Variants in ATXN2 observed in about 807,000 individuals in gnomAD.
ATXN2 encodes ataxin 2.
ATXN2 carries 37 observed loss-of-function variants against 138.6 expected under a neutral mutation model. That is an observed-to-expected ratio of 0.27 (90% CI 0.21 to 0.35). The LOEUF (loss-of-function observed/expected upper bound fraction) is 0.35. ATXN2 is among the 10% of genes least tolerant of loss of function. The probability of loss-of-function intolerance (pLI) is 1.00; values close to 1 mark genes in which losing one functional copy is unlikely to be tolerated. For synonymous variants in ATXN2, 549 were observed against 543.7 expected (o/e 1.01, Z -0.13); for missense variants, 1,216 against 1,480.3 (o/e 0.82, Z 2.93).
At chr12:111,537,693 G>A (rs1212111733) in intron 5 of ATXN2, among the ~76,000 whole-genome samples, 1 of 152,134 alleles carries the variant, frequency 6.6e-6, no homozygotes, top group Non-Finnish European at 1.5e-5. Flanking sequence ...CTGGAGCTGG[G>A]GAAAATTGAA....
At chr12:111,460,240 T>A (rs1242656389) in intron 21 of ATXN2, among the ~76,000 whole-genome samples, 1 of 150,988 alleles carries the variant, frequency 6.6e-6, no homozygotes, top group Non-Finnish European at 1.5e-5. Context: ...CCTGGCTAAC[T>A]TTTTTGTATT....
chr12:111,461,483 AAAC>A (rs1294764282), intron 21 of ATXN2, among the ~76,000 whole-genome samples: 1 of 147,958 alleles, frequency 6.8e-6, no homozygotes, highest in African/African-American at 2.7e-5. Flanking sequence ...AAAATAAAAT[AAAC>A]AAATAAATAA....
intron 1 of ATXN2, among the ~76,000 whole-genome samples, chr12:111,576,219 G>A (rs1015536661): frequency 2.0e-5 from 3 of 151,980 alleles, no homozygotes; most frequent in Admixed American, 6.6e-5. Flanking sequence ...CGAGGTAGGC[G>A]GATCACTTGA....
At chr12:111,542,626 C>T (rs1256043271) in intron 5 of ATXN2, among the ~76,000 whole-genome samples, 2 of 152,118 alleles carry the variant, frequency 1.3e-5, no homozygotes, top group African/African-American at 4.8e-5. Flanking sequence ...ACCACCACAC[C>T]CGGCTAATTT....
chr12:111,581,504 TC>T, intron 1 of ATXN2: 1 of 1,026,500 alleles, frequency 9.7e-7, no homozygotes, highest in Non-Finnish European at 1.5e-6. Context: ...TCCCCCAATG[TC>T]CACCGTGATC....
In ATXN2 at chr12:111,485,256, T is replaced by TA. The variant is rs772132139; in HGVS notation, c.2524+8dup. The TA allele has an allele frequency of 6.2e-7, 1 of 1,607,518 alleles. No homozygotes were observed. On this transcript the variant is annotated intron_variant, in intron 18 of 24. Coordinates refer to ENST00000673436, the MANE Select transcript of ATXN2 (RefSeq NM_001372574.1). Reference sequence around the variant, plus strand: ...AACTACAAGCAAACACAGGCAGGATTATTCTCACCTTTACCTGCTCTATAT... The same window carrying TA: ...AACTACAAGCAAACACAGGCAGGATTAATTCTCACCTTTACCTGCTCTATAT...
intron 5 of ATXN2, among the ~76,000 whole-genome samples, chr12:111,542,834 T>C (rs1373880010): frequency 6.6e-6 from 1 of 152,218 alleles, no homozygotes; most frequent in Admixed American, 6.5e-5. Flanking sequence ...ACACAGTATT[T>C]TTTTATCGTT....
chr12:111,457,545 C>G (rs1875204896), intron 21 of ATXN2, 186 bp from the exon 22 acceptor site: 1 of 597,284 alleles, frequency 1.7e-6, no homozygotes, highest in South Asian at 2.8e-5. Flanking sequence ...TATTGCTTAA[C>G]AGACTAGCAT....
intron 22 of ATXN2, 37 bp from the exon 23 acceptor site, chr12:111,456,293 C>A (rs753916339): frequency 6.6e-5 from 107 of 1,609,576 alleles, no homozygotes; most frequent in South Asian, 1.1e-5. Flanking sequence ...AGGAAAACTT[C>A]TTTAATGAAA....
At chr12:111,562,660 C>T (rs545592666) in intron 1 of ATXN2, among the ~76,000 whole-genome samples, 75 of 137,158 alleles carry the variant, frequency 5.5e-4, no homozygotes, top group African/African-American at 1.9e-3. Context: ...GCAGAGGTTG[C>T]AGTGAGCCAA....
chr12:111,524,536 T>A (rs1256604292), intron 6 of ATXN2, among the ~76,000 whole-genome samples: 1 of 152,186 alleles, frequency 6.6e-6, no homozygotes, highest in Non-Finnish European at 1.5e-5. Flanking sequence ...GCTCAAGTGA[T>A]CCTCCTGCTT....
chr12:111,463,145 A>T (rs1875720818), intron 21 of ATXN2, among the ~76,000 whole-genome samples: 1 of 152,196 alleles, frequency 6.6e-6, no homozygotes, highest in Admixed American at 6.5e-5. Context: ...ATAACTCAAA[A>T]TGTGCCTAAC....
intron 1 of ATXN2, among the ~76,000 whole-genome samples, chr12:111,575,379 G>T (rs907907200): frequency 6.6e-6 from 1 of 152,034 alleles, no homozygotes; most frequent in South Asian, 2.1e-4. Context: ...TAGAGATGGG[G>T]TCTTGTTATG....
chr12:111,467,806 G>C (rs1593102795), intron 20 of ATXN2, among the ~76,000 whole-genome samples: 2 of 152,306 alleles, frequency 1.3e-5, no homozygotes, highest in South Asian at 4.1e-4. Flanking sequence ...AAAATCATCT[G>C]TACCTCAAAC....
intron 21 of ATXN2, among the ~76,000 whole-genome samples, chr12:111,458,875 T>C (rs1875340383): frequency 6.6e-6 from 1 of 152,208 alleles, no homozygotes; most frequent in Non-Finnish European, 1.5e-5. Context: ...GGAGCAGTTC[T>C]ATAATCCTAG....
chr12:111,520,209 C>A lies in ATXN2; in HGVS notation c.789-133G>T, dbSNP rs750492260. The A allele has an allele frequency of 6.7e-6, 8 of 1,196,336 alleles. No individual in the cohort carries two copies. In the East Asian group the frequency reaches 2.0e-4, roughly 31 times the overall value. The allele number at this position is 1,196,336 out of a possible 1,614,324, so 74.1% of individuals were successfully genotyped here. A position where few individuals can be genotyped will look rare whatever the true frequency, so the allele number is the denominator to read the frequency against. ...ACAGAAACTAAAACTAAAACTAAAACTAAAAGTTATAGTGATCTGTGTATT... is the reference window on the plus strand; with the variant it reads ...ACAGAAACTAAAACTAAAACTAAAAATAAAAGTTATAGTGATCTGTGTATT... On this transcript the variant is annotated intron_variant, in intron 7 of 24. Transcript: ENST00000673436.
intron 14 of ATXN2, among the ~76,000 whole-genome samples, chr12:111,492,932 T>C (rs1878138992): frequency 6.6e-6 from 1 of 151,980 alleles, no homozygotes; most frequent in East Asian, 1.9e-4. Flanking sequence ...AAATCCAAGA[T>C]AATACAGAGA....
intron 8 of ATXN2, among the ~76,000 whole-genome samples, chr12:111,518,969 C>A (rs550215468): frequency 2.0e-5 from 3 of 152,062 alleles, no homozygotes; most frequent in Admixed American, 2.0e-4. Flanking sequence ...TTTCTCAACA[C>A]GTTTATGAAT....
Position 111,599,066 on chromosome 12 carries a change from G to C in ATXN2, c.-32C>G. The C allele has an allele frequency of 1.4e-6, 2 of 1,432,832 alleles. No individual in the cohort carries two copies. Among genetic ancestry groups the C allele is most frequent in the Non-Finnish European group, 1.8e-6 (2 of 1,092,630 alleles). 88.8% of individuals were successfully genotyped at this position (1,432,832 alleles called of 1,614,324 possible). Reference sequence around the variant, plus strand: ...GGGCCCATACACCGGCTCGCACGCCGGGCGGGGACAGCCGGGAGCCGGGCG... The same window carrying C: ...GGGCCCATACACCGGCTCGCACGCCCGGCGGGGACAGCCGGGAGCCGGGCG... On this transcript the variant is annotated 5_prime_UTR_variant, in exon 1 of 25. Transcript: ENST00000673436.
Sources: gnomAD v4.1 joint callset for allele counts (sites outside exome capture counted in the v4.1 genomes callset) on GRCh38, gnomAD v4.1.1 for gene constraint, MANE v1.5 for transcripts, NCBI Gene and HGNC (gene_info 2026-07-23, HGNC 2026-07-21) for gene names.